The following LRMDA variants were observed in gnomAD, a reference collection of about 807,000 sequenced individuals.
The protein encoded by LRMDA is leucine-rich melanocyte differentiation-associated protein.
In LRMDA, 18 loss-of-function variants were observed where a neutral mutation model predicts 29.8. The ratio of observed to expected loss-of-function variants is 0.60; its 90% CI spans 0.42 to 0.90. LRMDA has a LOEUF of 0.90. Among genes scored for constraint, LRMDA ranks in the 40% least tolerant of loss-of-function variants. LRMDA has a pLI of 0.00. For missense variants in LRMDA, 273 were observed against 273.9 expected (o/e 1.00, Z 0.02); for synonymous variants, 125 against 109.4 (o/e 1.14, Z -0.89).
At chr10:76,316,018 A>G (rs1278736501) in intron 5 of LRMDA, among the ~76,000 whole-genome samples, 1 of 152,138 alleles carries the variant, frequency 6.6e-6, no homozygotes, top group East Asian at 1.9e-4. Context: ...CCAGTTGTCC[A>G]CGTACCTCAT....
chr10:76,251,742 A>C (rs1212939348), intron 5 of LRMDA, among the ~76,000 whole-genome samples: 1 of 152,228 alleles, frequency 6.6e-6, no homozygotes, highest in African/African-American at 2.4e-5. Context: ...TTGCTTTGTC[A>C]TGATAACATT....
intron 5 of LRMDA, among the ~76,000 whole-genome samples, chr10:76,156,233 C>T (rs1046033734): frequency 6.6e-6 from 1 of 152,134 alleles, no homozygotes; most frequent in Non-Finnish European, 1.5e-5. Context: ...TCACAGCAAC[C>T]AGCAGTCTCC....
At chr10:76,245,958 G>A (rs936782204) in intron 5 of LRMDA, among the ~76,000 whole-genome samples, 32 of 152,254 alleles carry the variant, frequency 2.1e-4, no homozygotes, top group Middle Eastern at 6.8e-3. Flanking sequence ...TTAGAGATAC[G>A]ATACTAGCAG....
intron 5 of LRMDA, among the ~76,000 whole-genome samples, chr10:76,135,248 C>T (rs1000542118): frequency 1.3e-5 from 2 of 152,300 alleles, no homozygotes; most frequent in East Asian, 1.9e-4. Flanking sequence ...ATCCATAGTG[C>T]GTCTCTGTTC....
At chr10:76,547,279 A>G (rs1438843902) in intron 6 of LRMDA, among the ~76,000 whole-genome samples, 2 of 152,118 alleles carry the variant, frequency 1.3e-5, no homozygotes, top group African/African-American at 2.4e-5. Flanking sequence ...CTGAGCCTGG[A>G]AGATTAATTA....
At chr10:75,683,376 C>G (rs989631757) in intron 2 of LRMDA, among the ~76,000 whole-genome samples, 2 of 152,148 alleles carry the variant, frequency 1.3e-5, no homozygotes, top group African/African-American at 2.4e-5. Flanking sequence ...GCAGATTTGG[C>G]AAGGGCTTTA....
intron 2 of LRMDA, among the ~76,000 whole-genome samples, chr10:75,916,487 G>A (rs1225672634): frequency 6.6e-6 from 1 of 152,146 alleles, no homozygotes; most frequent in East Asian, 1.9e-4. Flanking sequence ...TAGAGGTGCT[G>A]CCTCTTGCCT....
chr10:76,064,169 T>C (rs1192836216), intron 5 of LRMDA, among the ~76,000 whole-genome samples: 2 of 152,222 alleles, frequency 1.3e-5, no homozygotes, highest in Non-Finnish European at 2.9e-5. Context: ...TTGCCACCTG[T>C]ACACTGGCAG....
intron 2 of LRMDA, among the ~76,000 whole-genome samples, chr10:75,727,000 G>A (rs955929378): frequency 3.3e-5 from 5 of 152,212 alleles, no homozygotes; most frequent in African/African-American, 1.2e-4. Context: ...TGCCTATTAA[G>A]TACTACCTTA....
intron 2 of LRMDA, among the ~76,000 whole-genome samples, chr10:75,897,917 G>T (rs1845611579): frequency 2.2e-5 from 3 of 133,780 alleles, no homozygotes; most frequent in South Asian, 2.6e-4. Context: ...CCACCTCCCA[G>T]GTTCAAGCAG....
chr10:76,116,055 A>G lies in LRMDA; in HGVS notation c.516+57272A>G, dbSNP rs906037296. 3.9e-5 allele frequency among the ~76,000 whole-genome samples: 6 copies of G among 152,088 alleles called. No individual in the cohort carries two copies. The East Asian group carries it at 9.7e-4, about 25-fold the overall frequency. ...TATCACTCGTGGTTTATGTTCTGAGATGGAATGGGATGGGGCCACTGCAGG... is the reference window on the plus strand; with the variant it reads ...TATCACTCGTGGTTTATGTTCTGAGGTGGAATGGGATGGGGCCACTGCAGG... On this transcript the variant is annotated intron_variant, in intron 5 of 6. Coordinates refer to ENST00000611255, the MANE Select transcript of LRMDA (RefSeq NM_001305581.2).
chr10:76,047,238 C>A lies in LRMDA; in HGVS notation c.333C>A (p.Gly111=). Residue 111 remains glycine, a synonymous_variant, in exon 4 of 7, where the codon GGC becomes GGA. Coordinates refer to ENST00000611255, the MANE Select transcript of LRMDA (RefSeq NM_001305581.2). ...TPALEYLSLL[G]NVACPNELVS... ...CTCTGGAGTACCTCAGTCTGCTGGG[C>A]AACGTGGCCTGTCCCAACGAGCTGG... 1 of 1,614,054 alleles carries A rather than the reference C, an allele frequency of 6.2e-7. No individual in the cohort carries two copies. Among genetic ancestry groups the A allele is most frequent in the Non-Finnish European group, 8.5e-7 (1 of 1,179,968 alleles).
intron 2 of LRMDA, among the ~76,000 whole-genome samples, chr10:75,912,530 G>C (rs1377751545): frequency 6.6e-6 from 1 of 152,184 alleles, no homozygotes; most frequent in Non-Finnish European, 1.5e-5. Flanking sequence ...CAAAGACCTG[G>C]AGGTGGGAGG....
At chr10:75,797,731 C>CTTTTATTGCTCCATAGTG (rs1309844433) in intron 2 of LRMDA, among the ~76,000 whole-genome samples, 1 of 152,090 alleles carries the variant, frequency 6.6e-6, no homozygotes, top group Non-Finnish European at 1.5e-5. Flanking sequence ...ATTCTGTTCG[C>CTTTTATTGCTCCATAGTG]TTTTATTGCT....
At chr10:75,970,366 G>T (rs1195068739) in intron 2 of LRMDA, among the ~76,000 whole-genome samples, 1 of 152,226 alleles carries the variant, frequency 6.6e-6, no homozygotes, top group East Asian at 1.9e-4. Flanking sequence ...GGTGAGCTGT[G>T]ATGGGGACTC....
At chr10:76,050,457 C>A (rs549891347) in intron 4 of LRMDA, among the ~76,000 whole-genome samples, 1 of 152,332 alleles carries the variant, frequency 6.6e-6, no homozygotes, top group Non-Finnish European at 1.5e-5. Context: ...GGGGCAGGAG[C>A]AGAACTGTGC....
chr10:76,271,724 A>G (rs7900693), intron 5 of LRMDA, among the ~76,000 whole-genome samples: 11,632 of 152,204 alleles, frequency 0.076, 1,185 homozygotes, highest in African/African-American at 0.23. Flanking sequence ...GAAGATCTAA[A>G]TGGCATTATA....
intron 5 of LRMDA, among the ~76,000 whole-genome samples, chr10:76,067,128 C>T (rs1242943692): frequency 2.6e-5 from 4 of 152,174 alleles, no homozygotes; most frequent in Non-Finnish European, 4.4e-5. Flanking sequence ...CTGTCAGAGA[C>T]CCACTAGTGA....
chr10:75,705,543 A>G (rs906599889), intron 2 of LRMDA, among the ~76,000 whole-genome samples: 1 of 152,212 alleles, frequency 6.6e-6, no homozygotes, highest in Non-Finnish European at 1.5e-5. Flanking sequence ...GAGAAAGGAG[A>G]AACTGGAGTT....
Sources: gnomAD v4.1 joint callset for allele counts (sites outside exome capture counted in the v4.1 genomes callset) on GRCh38, gnomAD v4.1.1 for gene constraint, MANE v1.5 for transcripts, NCBI Gene and HGNC (gene_info 2026-07-23, HGNC 2026-07-21) for gene names.